Variants in LRRTM4 observed in about 807,000 individuals in gnomAD.
The protein encoded by LRRTM4 is leucine-rich repeat transmembrane neuronal protein 4.
In LRRTM4, 25 loss-of-function variants were observed where a neutral mutation model predicts 47.6. The observed-to-expected ratio is 0.53, with a 90% CI of 0.38 to 0.73. The LOEUF is 0.73. LRRTM4 is among the 30% of genes least tolerant of loss of function. LRRTM4 has a pLI of 0.00. For synonymous variants in LRRTM4, 311 were observed against 269.5 expected (o/e 1.15, Z -1.51); for missense variants, 638 against 713.4 (o/e 0.89, Z 1.20).
rs571966220 is a variant in LRRTM4, at chr2:77,022,280, C to G, written c.1552-273364G>C. Among the ~76,000 whole-genome samples, 44 of 152,284 alleles carry G rather than the reference C, an allele frequency of 2.9e-4. 1 individual carries two copies. In the South Asian group the frequency reaches 8.7e-3, roughly 30 times the overall value. On this transcript the variant is annotated intron_variant, in intron 3 of 3. Coordinates refer to ENST00000409884, the MANE Select transcript of LRRTM4 (RefSeq NM_001134745.3). ...ATTCAAATTATCTCCCACCAGGTCC[C>G]TCCTACAACATGTGGGAATTATGGG... is the stretch of plus-strand genomic sequence containing the variant.
chr2:76,891,092 G>A (rs1049297225), intron 3 of LRRTM4, among the ~76,000 whole-genome samples: 4 of 151,782 alleles, frequency 2.6e-5, no homozygotes, highest in African/African-American at 9.7e-5. Flanking sequence ...GAAGAATGAA[G>A]TGAAAGGAGG....
At chr2:77,305,717 C>T (rs190199719) in intron 3 of LRRTM4, among the ~76,000 whole-genome samples, 2 of 152,044 alleles carry the variant, frequency 1.3e-5, no homozygotes, top group East Asian at 3.9e-4. Context: ...TGATATGATA[C>T]CTCAAATTTA....
At chr2:76,834,038 A>ATTTATTTT (rs1308693581) in intron 3 of LRRTM4, among the ~76,000 whole-genome samples, 2 of 148,614 alleles carry the variant, frequency 1.3e-5, no homozygotes, top group Non-Finnish European at 3.0e-5. Context: ...TTATTTATTT[A>ATTTATTTT]TTTATTTATT....
intron 3 of LRRTM4, among the ~76,000 whole-genome samples, chr2:77,385,516 G>GCA (rs1673225196): frequency 6.6e-6 from 1 of 152,008 alleles, no homozygotes; most frequent in Non-Finnish European, 1.5e-5. Context: ...GTGTGCTACG[G>GCA]CACTGATGAG....
At chr2:77,034,406 T>C (rs1304879347) in intron 3 of LRRTM4, among the ~76,000 whole-genome samples, 1 of 151,912 alleles carries the variant, frequency 6.6e-6, no homozygotes, top group Non-Finnish European at 1.5e-5. Context: ...GTTTTTCTAG[T>C]TTTAATATCA....
At chr2:77,168,382 T>C (rs1672949839) in intron 3 of LRRTM4, among the ~76,000 whole-genome samples, 1 of 152,084 alleles carries the variant, frequency 6.6e-6, no homozygotes, top group Admixed American at 6.6e-5. Flanking sequence ...CTGCTACTTA[T>C]TATCTCTTTT....
At chr2:76,951,313 G>T (rs1057035445) in intron 3 of LRRTM4, among the ~76,000 whole-genome samples, 3 of 151,970 alleles carry the variant, frequency 2.0e-5, no homozygotes, top group African/African-American at 7.2e-5. Context: ...AGTATGAACT[G>T]CTATTCTTAA....
At chr2:76,851,695 A>C (rs1037809942) in intron 3 of LRRTM4, among the ~76,000 whole-genome samples, 1 of 151,808 alleles carries the variant, frequency 6.6e-6, no homozygotes, top group Admixed American at 6.6e-5. Context: ...CATATTTCTT[A>C]AAGACCAGAA....
chr2:76,807,435 TACGTATATAC>T (rs1489910311), intron 3 of LRRTM4, among the ~76,000 whole-genome samples: 7 of 64,904 alleles, frequency 1.1e-4, no homozygotes, highest in South Asian at 6.5e-4. Context: ...CATATATATA[TACGTATATAC>T]ATATATATAT....
intron 3 of LRRTM4, among the ~76,000 whole-genome samples, chr2:77,157,289 A>G (rs1031017627): frequency 2.6e-5 from 4 of 152,158 alleles, no homozygotes; most frequent in Non-Finnish European, 5.9e-5. Flanking sequence ...GAAGGTAATT[A>G]TGAGGAGGGG....
chr2:77,252,039 C>A (rs1256642022), intron 3 of LRRTM4, among the ~76,000 whole-genome samples: 1 of 152,084 alleles, frequency 6.6e-6, no homozygotes, highest in Non-Finnish European at 1.5e-5. Flanking sequence ...ATGCAAGAAA[C>A]TTTGAGGACT....
intron 3 of LRRTM4, among the ~76,000 whole-genome samples, chr2:76,770,950 C>T (rs1210153160): frequency 6.6e-6 from 1 of 152,218 alleles, no homozygotes; most frequent in African/African-American, 2.4e-5. Context: ...AATGCTACCA[C>T]ATGCTCCTCA....
chr2:77,093,628 TTTTG>T (rs1446380815), intron 3 of LRRTM4, among the ~76,000 whole-genome samples: 1 of 151,838 alleles, frequency 6.6e-6, no homozygotes, highest in African/African-American at 2.4e-5. Flanking sequence ...TTCAACACTA[TTTTG>T]TTTTATTTTT....
Position 76,974,241 on chromosome 2 carries a change from CAT to C in LRRTM4, c.1552-225327_1552-225326del, listed in dbSNP as rs201885066. Among the ~76,000 whole-genome samples, 101 of 109,836 alleles carry C rather than the reference CAT, an allele frequency of 9.2e-4. 1 individual carries two copies. The highest frequency in any genetic ancestry group is 1.5e-3 in the Non-Finnish European group (76 of 51,164). 72.1% of individuals were successfully genotyped at this position (109,836 alleles called of 152,430 possible). On this transcript the variant is annotated intron_variant, in intron 3 of 3. Coordinates refer to ENST00000409884, the MANE Select transcript of LRRTM4 (RefSeq NM_001134745.3). The stretch of plus-strand genomic sequence containing the variant: ...ATATATACATACATATATATATATA[CAT>C]ATATATATATACACACACATACATA...
At chr2:77,293,613 G>A (rs1676891121) in intron 3 of LRRTM4, among the ~76,000 whole-genome samples, 1 of 152,034 alleles carries the variant, frequency 6.6e-6, no homozygotes, top group Admixed American at 6.6e-5. Context: ...AAAGAAAAAC[G>A]AACATACATA....
intron 3 of LRRTM4, among the ~76,000 whole-genome samples, chr2:77,375,756 G>A (rs937386823): frequency 5.9e-5 from 9 of 151,520 alleles, no homozygotes; most frequent in Admixed American, 4.0e-4. Context: ...TGTTGCATAC[G>A]GCCGGATTTC....
chr2:76,908,123 C>T (rs1673915932), intron 3 of LRRTM4, among the ~76,000 whole-genome samples: 1 of 150,502 alleles, frequency 6.6e-6, no homozygotes, highest in Non-Finnish European at 1.5e-5. Flanking sequence ...AATCCAGCAG[C>T]ACATCAAAAA....
intron 3 of LRRTM4, among the ~76,000 whole-genome samples, chr2:76,950,600 G>T (rs141875512): frequency 1.1e-3 from 166 of 151,334 alleles, no homozygotes; most frequent in African/African-American, 3.5e-3. Flanking sequence ...ATTTTTTTTT[G>T]ACTATAAGAA....
At chr2:77,376,858 C>T (rs921370766) in intron 3 of LRRTM4, among the ~76,000 whole-genome samples, 2 of 151,868 alleles carry the variant, frequency 1.3e-5, no homozygotes, top group Non-Finnish European at 2.9e-5. Context: ...AATCACTAAG[C>T]ACATCCCATA....
Sources: allele counts gnomAD v4.1 joint callset (sites outside exome capture counted in the v4.1 genomes callset), GRCh38; gene constraint gnomAD v4.1.1; transcripts MANE v1.5; gene names NCBI Gene and HGNC (gene_info 2026-07-23, HGNC 2026-07-21).